Variants in ADGRG2 observed in about 807,000 individuals in gnomAD.
ADGRG2 encodes the protein adhesion G protein-coupled receptor G2.
ADGRG2 carries 26 observed loss-of-function variants against 74.1 expected under a neutral mutation model. The ratio of observed to expected loss-of-function variants is 0.35; its 90% CI spans 0.26 to 0.49. The LOEUF is 0.49. Among genes scored for constraint, ADGRG2 ranks in the 20% least tolerant of loss-of-function variants. The probability of loss-of-function intolerance (pLI) is 0.99; values close to 1 mark genes in which losing one functional copy is unlikely to be tolerated. For missense variants in ADGRG2, 619 were observed against 763.1 expected, an observed-to-expected ratio of 0.81 and a Z score of 2.22; for synonymous variants, 296 against 295.2, an observed-to-expected ratio of 1.00 and a Z score of -0.03.
chrX:19,038,088 C>A (rs1267015358), intron 4 of ADGRG2, among the ~76,000 whole-genome samples: 1 of 111,981 alleles, frequency 8.9e-6, no homozygotes, highest in East Asian at 2.8e-4. Context: ...AAATTGCTAC[C>A]ACTCAATACT....
At chrX:19,120,821 T>C (rs2062597611) in intron 1 of ADGRG2, among the ~76,000 whole-genome samples, 1 of 112,406 alleles carries the variant, frequency 8.9e-6, no homozygotes, top group African/African-American at 3.2e-5. Flanking sequence ...AGTAAAATAT[T>C]TCGCTATTAA....
intron 8 of ADGRG2, 86 bp downstream of exon 8, chrX:19,033,527 G>A: frequency 1.9e-6 from 1 of 517,166 alleles, no homozygotes; most frequent in Non-Finnish European, 3.4e-6. Flanking sequence ...TTGGAAAAAA[G>A]AGAAAGAAAT....
chrX:19,038,195 T>C (rs961509434), intron 4 of ADGRG2, among the ~76,000 whole-genome samples: 2 of 112,731 alleles, frequency 1.8e-5, no homozygotes, highest in Admixed American at 1.9e-4. Flanking sequence ...ATGACTCCAC[T>C]TAAGCTAAGA....
intron 1 of ADGRG2, among the ~76,000 whole-genome samples, chrX:19,106,231 G>A (rs1415384340): frequency 9.0e-6 from 1 of 110,782 alleles, no homozygotes; most frequent in Non-Finnish European, 1.9e-5. Context: ...CCTGGGGTGG[G>A]GTGGGAGCTG....
At chrX:19,007,718 A>T (rs1224512485) in intron 19 of ADGRG2, among the ~76,000 whole-genome samples, 1 of 111,899 alleles carries the variant, frequency 8.9e-6, no homozygotes. Context: ...CCTTCCTCTC[A>T]GGGTTGTTGA....
chrX:18,995,157 A>G, intron 27 of ADGRG2, 109 bp from the exon 28 acceptor site: 1 of 513,821 alleles, frequency 1.9e-6, no homozygotes, highest in Non-Finnish European at 3.1e-6. Flanking sequence ...TCACTTCAGG[A>G]TCTTATGGAG....
chrX:19,073,462 G>A (rs1049481881), intron 2 of ADGRG2, among the ~76,000 whole-genome samples: 1 of 111,621 alleles, frequency 9.0e-6, no homozygotes, highest in African/African-American at 3.3e-5. Context: ...TTTAGGTTGT[G>A]AACTCTGATG....
chrX:19,009,475 G>A (rs905178198), intron 18 of ADGRG2, 151 bp downstream of exon 18: 3 of 524,528 alleles, frequency 5.7e-6, no homozygotes, highest in Non-Finnish European at 9.8e-6. Context: ...ATGGCACCCG[G>A]CTTGATTCTA....
intron 8 of ADGRG2, chrX:19,031,972 A>T (rs1201143084): frequency 3.6e-5 from 4 of 112,539 alleles, no homozygotes; most frequent in Non-Finnish European, 1.9e-5. Context: ...AACTTGTTAT[A>T]TTAAGAAATA....
chrX:19,019,126 T>TA (rs2060533485), intron 15 of ADGRG2, among the ~76,000 whole-genome samples: 1 of 112,160 alleles, frequency 8.9e-6, no homozygotes, highest in Non-Finnish European at 1.9e-5. Flanking sequence ...ATTACAGGCG[T>TA]AAGCCACCGT....
At chrX:19,106,685 G>A (rs760213350) in intron 1 of ADGRG2, among the ~76,000 whole-genome samples, 61 of 111,226 alleles carry the variant, frequency 5.5e-4, no homozygotes, top group Admixed American at 1.1e-3. Context: ...TTGGGAGGCC[G>A]AGGTGGGCAG....
At chrX:19,113,639 G>A (rs1190320648) in intron 1 of ADGRG2, among the ~76,000 whole-genome samples, 1 of 112,180 alleles carries the variant, frequency 8.9e-6, no homozygotes, top group African/African-American at 3.2e-5. Flanking sequence ...CTAGGTACAC[G>A]AGCAAGAGTG....
At chrX:19,050,445 T>A (rs944887987) in intron 3 of ADGRG2, among the ~76,000 whole-genome samples, 2 of 111,831 alleles carry the variant, frequency 1.8e-5, no homozygotes, top group Non-Finnish European at 3.8e-5. Flanking sequence ...GCTGGTCTCA[T>A]AGATGGCTCA....
At chrX:19,091,899 G>A (rs1236847196) in intron 1 of ADGRG2, among the ~76,000 whole-genome samples, 1 of 112,737 alleles carries the variant, frequency 8.9e-6, no homozygotes, top group Non-Finnish European at 1.9e-5. Flanking sequence ...GATGAAGATG[G>A]TGGTGGTGGT....
intron 1 of ADGRG2, among the ~76,000 whole-genome samples, chrX:19,087,498 A>G (rs758083703): frequency 5.9e-4 from 66 of 112,304 alleles, no homozygotes; most frequent in African/African-American, 2.1e-3. Flanking sequence ...CTGCAGCTTA[A>G]AGGGTGCAAC....
chrX:19,108,104 CAAAAAAA>C (rs143987070), intron 1 of ADGRG2, among the ~76,000 whole-genome samples: 1 of 44,972 alleles, frequency 2.2e-5, no homozygotes, highest in East Asian at 8.2e-4. Flanking sequence ...GACTCCGTCT[CAAAAAAA>C]AAAAAAAAAA....
rs145807293 is a variant in ADGRG2, at chrX:19,006,018, C to T, written c.1823G>A (p.Ser608Asn). ...GCATATTACCAGCAGAACGCCGAAG[C>T]TTGTTAGATGGCTACAGGTACAGAT... ...ETICTCSHLT[S>N]FGVLLDLSRT... The change falls in exon 22 of 29, where the codon AGC becomes AAC. Residue 608 changes from serine (S) to asparagine (N), a missense_variant. Coordinates refer to ENST00000379869, the MANE Select transcript of ADGRG2 (RefSeq NM_001079858.3). The T allele has an allele frequency of 3.8e-4, 458 of 1,199,635 alleles. No homozygotes were observed. Among genetic ancestry groups the T allele is most frequent in the Middle Eastern group, 7.1e-4 (3 of 4,228 alleles).
intron 1 of ADGRG2, among the ~76,000 whole-genome samples, chrX:19,098,040 T>G (rs185628612): frequency 1.0e-3 from 117 of 113,269 alleles, no homozygotes; most frequent in African/African-American, 3.7e-3. Flanking sequence ...TTCAAAGGAA[T>G]GTCACACATG....
At chrX:19,117,804 C>G (rs1002370258) in intron 1 of ADGRG2, among the ~76,000 whole-genome samples, 1 of 110,764 alleles carries the variant, frequency 9.0e-6, no homozygotes, top group African/African-American at 3.3e-5. Context: ...GTTGACAGAG[C>G]AGGACTCTAT....
Sources: gnomAD v4.1 joint callset for allele counts (sites outside exome capture counted in the v4.1 genomes callset) on GRCh38, gnomAD v4.1.1 for gene constraint, MANE v1.5 for transcripts, NCBI Gene and HGNC (gene_info 2026-07-23, HGNC 2026-07-21) for gene names.